ZNF292: variants seen among roughly 807,000 people sequenced by gnomAD.
ZNF292 encodes the protein 16 zinc-finger domain protein.
In ZNF292, 26 loss-of-function variants were observed where a neutral mutation model predicts 217.9. That is an observed-to-expected ratio of 0.12 (90% confidence interval 0.09 to 0.17). The LOEUF (loss-of-function observed/expected upper bound fraction) is 0.17, where lower values mean the gene tolerates loss of function less well. Ranked by LOEUF, ZNF292 falls within the 10% of genes least tolerant of loss-of-function variation. The pLI, the probability that ZNF292 is intolerant of heterozygous loss-of-function variation, is 1.00. For synonymous variants in ZNF292, 1,257 were observed against 1,124.1 expected (o/e 1.12, Z -2.37); for missense variants, 2,904 against 3,175.2 (o/e 0.91, Z 2.05).
intron 4 of ZNF292, among the ~76,000 whole-genome samples, chr6:87,229,775 A>G (rs931582360): frequency 6.6e-6 from 1 of 152,240 alleles, no homozygotes; most frequent in East Asian, 1.9e-4. Flanking sequence ...TATTTTTAAA[A>G]AGGATAAGTG....
chr6:87,247,270 A>AAC (rs36133951), intron 7 of ZNF292, among the ~76,000 whole-genome samples: 13 of 149,930 alleles, frequency 8.7e-5, no homozygotes, highest in East Asian at 2.0e-4. Context: ...TGCCACCCGC[A>AAC]ACACACACAC....
chr6:87,196,871 A>G lies in ZNF292; in HGVS notation c.169-19032A>G, dbSNP rs9344689. Among the ~76,000 whole-genome samples the G allele has an allele frequency of 4.5e-4, 69 of 152,372 alleles. No individual in the cohort carries two copies. In the East Asian group the frequency reaches 0.011, roughly 25 times the overall value. ...TAAAAAGACGGACATATTTCATAAT[A>G]TAAAAATGAATTTTTATGGTAAAAA... On this transcript the variant is annotated intron_variant, in intron 1 of 7. Transcript: ENST00000369577.
At chr6:87,232,382 T>A (rs1357395354) in intron 4 of ZNF292, among the ~76,000 whole-genome samples, 1 of 152,154 alleles carries the variant, frequency 6.6e-6, no homozygotes, top group Non-Finnish European at 1.5e-5. Context: ...TCTTTCAGTC[T>A]GTTAACAAGC....
At position 87,261,443 on chromosome 6, in the gene ZNF292, A is replaced by G; in HGVS notation, c.7814A>G (p.Lys2605Arg). 2 of 1,607,108 alleles carry G rather than the reference A, an allele frequency of 1.2e-6. No individual in the cohort carries two copies. The highest frequency in any genetic ancestry group is 1.7e-6 in the Non-Finnish European group (2 of 1,176,386). Residue 2605 changes from lysine (K) to arginine (R), a missense_variant, in exon 8 of 8, where the codon AAG becomes AGG. By Grantham distance (26) the Lys-to-Arg change is conservative (BLOSUM62 2). This residue lies in a region of ZNF292 where 380 missense variants were observed against 355.3 expected (regional missense o/e 1.07). Transcript: ENST00000369577. ...FLKFLEESAV[K>R]QKKNTDKDHP... ...AAGTTTCTTGAGGAGTCTGCAGTGA[A>G]GCAGAAGAAAAATACTGACAAAGAC...
At chr6:87,158,011 A>G (rs1455534036) in intron 1 of ZNF292, among the ~76,000 whole-genome samples, 1 of 152,164 alleles carries the variant, frequency 6.6e-6, no homozygotes, top group African/African-American at 2.4e-5. Flanking sequence ...GCGTCCCGCC[A>G]GACTTGAGTT....
At chr6:87,238,445 C>T (rs1226632962) in intron 5 of ZNF292, among the ~76,000 whole-genome samples, 9 of 149,472 alleles carry the variant, frequency 6.0e-5, no homozygotes, top group African/African-American at 2.2e-4. Flanking sequence ...GAGATCGCAC[C>T]ATTGCACTCC....
At chr6:87,188,973 G>A (rs1771744500) in intron 1 of ZNF292, among the ~76,000 whole-genome samples, 1 of 152,024 alleles carries the variant, frequency 6.6e-6, no homozygotes, top group Non-Finnish European at 1.5e-5. Flanking sequence ...GGGAGGCCGA[G>A]GCGGGCCGAT....
chr6:87,185,505 G>A (rs1419892718), intron 1 of ZNF292, among the ~76,000 whole-genome samples: 1 of 152,130 alleles, frequency 6.6e-6, no homozygotes, highest in East Asian at 1.9e-4. Context: ...TTTGAGAGGA[G>A]GTCTTGCCCT....
At chr6:87,222,325 G>A (rs533960465) in intron 4 of ZNF292, among the ~76,000 whole-genome samples, 1 of 152,058 alleles carries the variant, frequency 6.6e-6, no homozygotes, top group African/African-American at 2.4e-5. Flanking sequence ...ATCCATATCC[G>A]TTGATTATTA....
intron 4 of ZNF292, chr6:87,223,716 G>C (rs756756582): frequency 1.3e-5 from 2 of 152,140 alleles, no homozygotes; most frequent in Non-Finnish European, 2.9e-5. Flanking sequence ...TTCTTCCAGT[G>C]TTGGCAGCTC....
chr6:87,258,549 A>G lies in ZNF292; in HGVS notation c.4920A>G (p.Ala1640=). ...RRKKVAPPLI[A]PNASQNLVTS... is the part of the protein sequence containing the mutation. ...AGAAAGTTGCTCCTCCACTAATTGC[A>G]CCTAACGCTTCCCAAAACTTGGTAA... Residue 1640 remains alanine, a synonymous_variant, in exon 8 of 8, where the codon GCA becomes GCG. Coordinates refer to ENST00000369577, the MANE Select transcript of ZNF292 (RefSeq NM_015021.3). 6.2e-7 allele frequency: 1 copy of G among 1,613,728 alleles called. No individual in the cohort carries two copies.
At chr6:87,242,141 A>G (rs1774323310) in intron 5 of ZNF292, among the ~76,000 whole-genome samples, 1 of 152,156 alleles carries the variant, frequency 6.6e-6, no homozygotes, top group African/African-American at 2.4e-5. Flanking sequence ...TACTTTATAA[A>G]TATATATCCT....
At chr6:87,193,254 A>G (rs1771867869) in intron 1 of ZNF292, among the ~76,000 whole-genome samples, 1 of 152,202 alleles carries the variant, frequency 6.6e-6, no homozygotes, top group Non-Finnish European at 1.5e-5. Context: ...AGCTTATGTA[A>G]CAGGTCACAC....
rs1216387241 is a variant in ZNF292 at position 87,240,100 on chromosome 6, G to A, written c.742-3375G>A. 5.3e-5 allele frequency among the ~76,000 whole-genome samples: 8 copies of A among 152,150 alleles called. No individual in the cohort carries two copies. In the East Asian group the frequency reaches 5.8e-4, roughly 11 times the overall value. On this transcript the variant is annotated intron_variant, in intron 5 of 7. Coordinates refer to ENST00000369577, the MANE Select transcript of ZNF292 (RefSeq NM_015021.3). ...TGAACGAGACTCCATCTGCAATCCC[G>A]GCACCTCGGGAGGCCAAGGCTGGCA...
Position 87,263,703 on chromosome 6 carries a change from T to C in ZNF292, c.*1902T>C, listed in dbSNP as rs1378916287. On this transcript the variant is annotated 3_prime_UTR_variant, in exon 8 of 8. Coordinates refer to ENST00000369577, the MANE Select transcript of ZNF292 (RefSeq NM_015021.3). The stretch of plus-strand genomic sequence containing the variant: ...TGGGTGATTAATACATGGGTTTTCT[T>C]TTTCCTAAATTAACAATAATTTAAA... 1 of 152,078 alleles carries C rather than the reference T, an allele frequency of 6.6e-6. No homozygotes were observed. The highest frequency in any genetic ancestry group is 1.5e-5 in the Non-Finnish European group (1 of 67,980). The allele number at this position is 152,078 out of a possible 1,614,324, so 9.4% of individuals were successfully genotyped here. A position where few individuals can be genotyped will look rare whatever the true frequency, so the allele number is the denominator to read the frequency against.
rs1309354229 is a variant in ZNF292, at chr6:87,255,195, A to G, written c.1566A>G (p.Lys522=). 2.5e-6 allele frequency: 4 copies of G among 1,613,730 alleles called. No individual in the cohort carries two copies. In the African/African-American group the frequency reaches 4.0e-5, roughly 16 times the overall value. Residue 522 remains lysine, a synonymous_variant, in exon 8 of 8, where the codon AAA becomes AAG. Coordinates refer to ENST00000369577, the MANE Select transcript of ZNF292 (RefSeq NM_015021.3). ...GDEKQKKREI[K]QLRERGFISA... ...AAAAGCAGAAGAAGAGAGAGATAAA[A>G]CAGTTAAGAGAGAGGGGATTTATAT... is the stretch of plus-strand genomic sequence containing the variant.
rs747332293 is a variant in ZNF292 at position 87,233,521 on chromosome 6, C to T, written c.735C>T (p.Ile245=). Residue 245 remains isoleucine (I), a synonymous_variant, in exon 5 of 8, where the codon ATC becomes ATT. Transcript: ENST00000369577. ...CATCATCACCAAATGGAAAGTTAAT[C>T]GAAGAGGTGAGTATGTTTTCTTTCA... ...LCTSSPNGKL[I]EEISEVDCKD... is the part of the protein sequence containing the mutation. 6.2e-6 allele frequency: 10 copies of T among 1,608,386 alleles called. No individual in the cohort carries two copies. Among genetic ancestry groups the T allele is most frequent in the Middle Eastern group, 1.8e-4 (1 of 5,522 alleles).
rs1012084265 is a variant in ZNF292, at chr6:87,265,362, A to G, written c.*3561A>G. 1.3e-5 allele frequency among the ~76,000 whole-genome samples: 2 copies of G among 152,070 alleles called. No individual in the cohort carries two copies. Among genetic ancestry groups the G allele is most frequent in the Admixed American group, 1.3e-4 (2 of 15,264 alleles). ...GTGATTCTCCTACCTCAGCCACCCAAGTAGGTGCACACCACCACACCTGGC... is the reference window on the plus strand; with the variant it reads ...GTGATTCTCCTACCTCAGCCACCCAGGTAGGTGCACACCACCACACCTGGC... On this transcript the variant is annotated 3_prime_UTR_variant, in exon 8 of 8. Transcript: ENST00000369577.
Position 87,256,335 on chromosome 6 carries a change from A to T in ZNF292, c.2706A>T (p.Gln902His). The T allele has an allele frequency of 6.2e-7, 1 of 1,612,712 alleles. No individual in the cohort carries two copies. The highest frequency in any genetic ancestry group is 1.1e-5 in the South Asian group (1 of 91,074). The change falls in exon 8 of 8, where the codon CAA becomes CAT. Residue 902 changes from glutamine (Q) to histidine (H), a missense_variant. Transcript: ENST00000369577. Reference protein sequence around the residue: ...KSKAESAVTKQDQISASELRQ... With the variant: ...KSKAESAVTKHDQISASELRQ... Reference sequence around the variant, plus strand: ...AAGCAGAATCAGCTGTGACCAAACAAGACCAGATTTCTGCCTCTGAGCTCA... The same window carrying T: ...AAGCAGAATCAGCTGTGACCAAACATGACCAGATTTCTGCCTCTGAGCTCA...
Sources: gnomAD v4.1 joint callset for allele counts (sites outside exome capture counted in the v4.1 genomes callset) on GRCh38, gnomAD v4.1.1 for gene constraint, gnomAD v4.1.1 regional missense constraint, MANE v1.5 for transcripts, NCBI Gene and HGNC (gene_info 2026-07-23, HGNC 2026-07-21) for gene names.